KRT35: variants seen among roughly 807,000 people sequenced by gnomAD.
KRT35 encodes keratin, type I cuticular Ha5.
A neutral mutation model predicts 42.2 loss-of-function variants in KRT35; 33 were observed. The ratio of observed to expected loss-of-function variants is 0.78; its 90% confidence interval spans 0.59 to 1.05. The LOEUF is 1.05. KRT35 is among the 50% of genes least tolerant of loss of function. KRT35 has a pLI of 0.00. For missense variants in KRT35, 585 were observed against 589.2 expected, an observed-to-expected ratio of 0.99 and a Z score of 0.07; for synonymous variants, 218 against 238.2, an observed-to-expected ratio of 0.92 and a Z score of 0.78.
intron 6 of KRT35, 60 bp downstream of exon 6, chr17:41,477,458 G>C: frequency 3.8e-6 from 6 of 1,596,540 alleles, no homozygotes; most frequent in Non-Finnish European, 5.1e-6. Flanking sequence ...GCACCATGCT[G>C]TCTTCCCAGA....
Position 41,479,508 on chromosome 17 carries a change from A to C in KRT35, c.555-5T>G. 6.2e-7 allele frequency: 1 copy of C among 1,613,334 alleles called. No homozygotes were observed. Among genetic ancestry groups the C allele is most frequent in the South Asian group, 1.1e-5 (1 of 90,982 alleles). On this transcript the variant is annotated splice_polypyrimidine_tract_variant and splice_region_variant and intron_variant, in intron 2 of 6. Coordinates refer to ENST00000246639, the MANE Select transcript of KRT35 (RefSeq NM_002280.6). ...AGGGACACCTCCGTCTCATACCTGC[A>C]GGCATAGAACAGGGCACCTGAGTCT...
chr17:41,477,320 C>A, intron 6 of KRT35, 117 bp from the exon 7 acceptor site: 1 of 1,364,508 alleles, frequency 7.3e-7, no homozygotes, highest in East Asian at 2.4e-5. Context: ...ATCCTGCCCC[C>A]TTGTTTTACC....
rs2019229204 is a variant in KRT35 at position 41,479,746 on chromosome 17, C to T, written c.507G>A (p.Val169=). 6.2e-7 allele frequency: 1 copy of T among 1,614,082 alleles called. No homozygotes were observed. The highest frequency in any genetic ancestry group is 1.3e-5 in the African/African-American group (1 of 74,936). The part of the protein sequence containing the change: ...LCSKAENARL[V]VEIDNAKLAA... ...CCAATTTGGCATTGTCAATCTCCAC[C>T]ACCAGCCTGGCATTCTCAGCCTTGC... Residue 169 remains valine (V), a synonymous_variant, in exon 2 of 7, where the codon GTG becomes GTA. Coordinates refer to ENST00000246639, the MANE Select transcript of KRT35 (RefSeq NM_002280.6).
At chr17:41,477,376 C>T (rs951301623) in intron 6 of KRT35, 142 bp downstream of exon 6, 10 of 1,332,748 alleles carry the variant, frequency 7.5e-6, no homozygotes, top group Admixed American at 6.9e-5. Flanking sequence ...GCTGGAGTCA[C>T]GTGATGAGTT....
rs147023785 is a variant in KRT35, at chr17:41,479,322, T to C, written c.711+25A>G. ...TCCCCCATGCTCACCTGCTGTGCCG[T>C]GTTCACCTTTTCCCCCATGCTCACC... On this transcript the variant is annotated intron_variant, in intron 3 of 6. Transcript: ENST00000246639. The C allele has an allele frequency of 1.5e-3, 2,352 of 1,607,304 alleles. 29 individuals carry two copies. In the African/African-American group the frequency reaches 0.028, roughly 19 times the overall value.
Position 41,477,754 on chromosome 17 carries a change from T to C in KRT35, c.1000-16A>G. The C allele has an allele frequency of 6.2e-7, 1 of 1,608,122 alleles. No individual in the cohort carries two copies. Among genetic ancestry groups the C allele is most frequent in the Non-Finnish European group, 8.5e-7 (1 of 1,176,324 alleles). On this transcript the variant is annotated splice_polypyrimidine_tract_variant and intron_variant, in intron 5 of 6. Coordinates refer to ENST00000246639, the MANE Select transcript of KRT35 (RefSeq NM_002280.6). ...AAGCATCTCTCTGTGAGGGCAAGAG[T>C]TGTGTAGGGAGGAAAAAGGCTAGAG...
In KRT35 at chr17:41,477,691, G is replaced by A. The variant is rs1198131014; in HGVS notation, c.1047C>T (p.Ser349=). The change falls in exon 6 of 7, where the codon AGC becomes AGT. Residue 349 remains serine (S), a synonymous_variant. Coordinates refer to ENST00000246639, the MANE Select transcript of KRT35 (RefSeq NM_002280.6). ...STLAETEARY[S]SQLAQMQCMI... is the part of the protein sequence containing the mutation. ...TGCACTGCATCTGGGCCAGCTGGGAGCTATAGCGGGCCTCCGTCTCTGCCA... is the reference window on the plus strand; with the variant it reads ...TGCACTGCATCTGGGCCAGCTGGGAACTATAGCGGGCCTCCGTCTCTGCCA... 6.2e-7 allele frequency: 1 copy of A among 1,614,148 alleles called. No individual in the cohort carries two copies. Among genetic ancestry groups the A allele is most frequent in the Admixed American group, 1.7e-5 (1 of 60,012 alleles).
rs1315041410 is a variant in KRT35 at position 41,479,136 on chromosome 17, C to G, written c.712-141G>C. The G allele has an allele frequency of 3.0e-6, 3 of 1,006,026 alleles. No homozygotes were observed. The African/African-American group carries it at 4.9e-5, about 16-fold the overall frequency. The allele number at this position is 1,006,026 out of a possible 1,614,324, so 62.3% of individuals were successfully genotyped here. On this transcript the variant is annotated intron_variant, in intron 3 of 6. Coordinates refer to ENST00000246639, the MANE Select transcript of KRT35 (RefSeq NM_002280.6). Reference sequence around the variant, plus strand: ...ATGCTCATCTGCTCCCCATGCCCACCTCCTCCCCATGCTCACCTCCTCTGC... The same window carrying G: ...ATGCTCATCTGCTCCCCATGCCCACGTCCTCCCCATGCTCACCTCCTCTGC...
Position 41,479,684 on chromosome 17 carries a change from A to AG in KRT35, c.554+14dup. The AG allele has an allele frequency of 6.2e-7, 1 of 1,610,650 alleles. No individual in the cohort carries two copies. Among genetic ancestry groups the AG allele is most frequent in the Non-Finnish European group, 8.5e-7 (1 of 1,176,908 alleles). ...TCTAGCAGCCCCCAACCACATGACA[A>AG]GCAGGACAACTCACTTGGTCCTGAA... On this transcript the variant is annotated intron_variant, in intron 2 of 6. Coordinates refer to ENST00000246639, the MANE Select transcript of KRT35 (RefSeq NM_002280.6).
chr17:41,479,856 G>A, intron 1 of KRT35, 75 bp from the exon 2 acceptor site: 2 of 1,246,090 alleles, frequency 1.6e-6, no homozygotes, highest in Admixed American at 1.7e-5. Flanking sequence ...GCTGACAAGG[G>A]CTGACTCTGG....
rs1198364057 is a variant in KRT35, at chr17:41,479,509, G to T, written c.555-6C>A. The T allele has an allele frequency of 6.2e-7, 1 of 1,613,006 alleles. No homozygotes were observed. Among genetic ancestry groups the T allele is most frequent in the African/African-American group, 1.3e-5 (1 of 74,924 alleles). On this transcript the variant is annotated splice_polypyrimidine_tract_variant and splice_region_variant and intron_variant, in intron 2 of 6. Coordinates refer to ENST00000246639, the MANE Select transcript of KRT35 (RefSeq NM_002280.6). The stretch of plus-strand genomic sequence containing the variant: ...GGGACACCTCCGTCTCATACCTGCA[G>T]GCATAGAACAGGGCACCTGAGTCTG...
chr17:41,479,703 T>C lies in KRT35; in HGVS notation c.550A>G (p.Thr184Ala). 6.2e-7 allele frequency: 1 copy of C among 1,613,760 alleles called. No individual in the cohort carries two copies. Among genetic ancestry groups the C allele is most frequent in the Non-Finnish European group, 8.5e-7 (1 of 1,179,686 alleles). ...NAKLAADDFR[T>A]KYETEVSLRQ... ...ATGACAAGCAGGACAACTCACTTGG[T>C]CCTGAAGTCATCTGCAGCCAATTTG... Residue 184 changes from threonine (T) to alanine (A), a missense_variant, in exon 2 of 7, where the codon ACC becomes GCC. Coordinates refer to ENST00000246639, the MANE Select transcript of KRT35 (RefSeq NM_002280.6).
In KRT35 at chr17:41,481,131, CT is replaced by C. The variant is rs1315910864; in HGVS notation, c.-35del. On this transcript the variant is annotated 5_prime_UTR_variant, in exon 1 of 7. Transcript: ENST00000246639. ...CAACTCAGATGCAATTGATAGGTCT[CT>C]GAGGCCAGACACCCCAAAGCAGAGA... The C allele has an allele frequency of 6.0e-6, 9 of 1,494,574 alleles. No homozygotes were observed. In the African/African-American group the frequency reaches 1.3e-4, roughly 21 times the overall value. 92.6% of individuals were successfully genotyped at this position (1,494,574 alleles called of 1,614,324 possible).
chr17:41,479,031 AG>A (rs1425842652), intron 3 of KRT35, 36 bp from the exon 4 acceptor site: 1 of 1,580,286 alleles, frequency 6.3e-7, no homozygotes, highest in Admixed American at 1.7e-5. Flanking sequence ...TAATTCCCAG[AG>A]GGCTGCCTCC....
rs199599074 is a variant in KRT35 at position 41,481,019 on chromosome 17, G to C, written c.79C>G (p.Arg27Gly). 6 of 1,613,978 alleles carry C rather than the reference G, an allele frequency of 3.7e-6. No individual in the cohort carries two copies. Among genetic ancestry groups the C allele is most frequent in the Non-Finnish European group, 5.1e-6 (6 of 1,180,016 alleles). The change falls in exon 1 of 7, where the codon CGT becomes GGT. Residue 27 changes from arginine (R) to glycine (G), a missense_variant. Coordinates refer to ENST00000246639, the MANE Select transcript of KRT35 (RefSeq NM_002280.6). ...SPGGASGGST[R>G]VSAMYSSSSC... ...CTGCTGGAGTACATTGCGGACACACGAGTGGAGCCCCCACTGGCCCCTCCT... is the reference window on the plus strand; with the variant it reads ...CTGCTGGAGTACATTGCGGACACACCAGTGGAGCCCCCACTGGCCCCTCCT...
Position 41,476,810 on chromosome 17 carries a change from G to A in KRT35, c.*246C>T, listed in dbSNP as rs771195383. 6 of 390,210 alleles carry A rather than the reference G, an allele frequency of 1.5e-5. No individual in the cohort carries two copies. The highest frequency in any genetic ancestry group is 2.3e-5 in the Non-Finnish European group (5 of 220,214). The allele number at this position is 390,210 out of a possible 1,614,324, so 24.2% of individuals were successfully genotyped here. A position where few individuals can be genotyped will look rare whatever the true frequency, so the allele number is the denominator to read the frequency against. On this transcript the variant is annotated 3_prime_UTR_variant, in exon 7 of 7. Transcript: ENST00000246639. ...CTAGAAGGAAAACCTGACCCAGGAG[G>A]CAGCCTGAGAACAGAGACCCTGGCA... is the stretch of plus-strand genomic sequence containing the variant.
intron 4 of KRT35, 118 bp from the exon 5 acceptor site, chr17:41,478,604 C>A: frequency 7.5e-7 from 1 of 1,327,660 alleles, no homozygotes; most frequent in South Asian, 1.4e-5. Flanking sequence ...CAGTCCCACT[C>A]ATTTATTTTA....
Position 41,479,726 on chromosome 17 carries a change from T to G in KRT35, c.527A>C (p.Lys176Thr). 1 of 1,614,152 alleles carries G rather than the reference T, an allele frequency of 6.2e-7. No homozygotes were observed. Among genetic ancestry groups the G allele is most frequent in the Non-Finnish European group, 8.5e-7 (1 of 1,179,998 alleles). ...GGTCCTGAAGTCATCTGCAGCCAAT[T>G]TGGCATTGTCAATCTCCACCACCAG... ...ARLVVEIDNA[K>T]LAADDFRTKY... Residue 176 changes from lysine (K) to threonine (T), a missense_variant, in exon 2 of 7, where the codon AAA becomes ACA. Lys to Thr is a moderately conservative substitution (Grantham distance 78). Transcript: ENST00000246639.
intron 1 of KRT35, among the ~76,000 whole-genome samples, chr17:41,480,388 T>C (rs989241938): frequency 2.6e-5 from 4 of 151,742 alleles, no homozygotes; most frequent in African/African-American, 4.9e-5. Context: ...ATAGACCTGA[T>C]GTTCAAGCTC....
Sources: gnomAD v4.1 joint callset for allele counts (sites outside exome capture counted in the v4.1 genomes callset) on GRCh38, gnomAD v4.1.1 for gene constraint, MANE v1.5 for transcripts, NCBI Gene and HGNC (gene_info 2026-07-23, HGNC 2026-07-21) for gene names.